Variants in HAUS7 observed in about 807,000 individuals in gnomAD.
HAUS7 encodes HAUS augmin-like complex subunit 7.
In HAUS7, 3 loss-of-function variants were observed where a neutral mutation model predicts 28.4. The observed-to-expected ratio is 0.11, with a 90% CI of 0.05 to 0.27. The LOEUF is 0.27. Among genes scored for constraint, HAUS7 ranks in the 10% least tolerant of loss-of-function variants. HAUS7 has a pLI of 1.00. For missense variants in HAUS7, 284 were observed against 297.3 expected (o/e 0.96, Z 0.33); for synonymous variants, 165 against 132.1 (o/e 1.25, Z -1.71).
At chrX:153,465,234 A>G (rs1388392950) in intron 2 of HAUS7, among the ~76,000 whole-genome samples, 179 bp from the exon 3 acceptor site, 1 of 110,261 alleles carries the variant, frequency 9.1e-6, no homozygotes. Context: ...TTAGGGAAAG[A>G]ATATTCCAGG....
At position 153,487,539 on chromosome X, in the gene HAUS7, A is replaced by G. The variant is rs782158209; in HGVS notation, c.-589+7835T>C. ...CCCCCAACATGCACACCCACCTGCA[A>G]GAGAGGTCCCCAGGGCCCCACCCTC... On this transcript the variant is annotated intron_variant, in intron 1 of 5. Transcript: ENST00000370210. Among the ~76,000 whole-genome samples, 5 of 112,323 alleles carry G rather than the reference A, an allele frequency of 4.5e-5. No homozygotes were observed. In the East Asian group the frequency reaches 1.4e-3, roughly 31 times the overall value.
At chrX:153,481,538 C>T in intron 1 of HAUS7, 1 of 756,526 alleles carries the variant, frequency 1.3e-6, no homozygotes. Flanking sequence ...GCCATGCCCT[C>T]TCTGCCGGCC....
Position 153,455,524 on chromosome X carries a change from G to A in HAUS7, c.930+18C>T, listed in dbSNP as rs1556981923. On this transcript the variant is annotated intron_variant, in intron 8 of 9. Coordinates refer to ENST00000370211, the MANE Select transcript of HAUS7 (RefSeq NM_001385482.1). ...CAGGGGAGGGGGCGGTTAGAGGGGA[G>A]GGGAAGGGCACCCTTACTTGGCTGT... 2.8e-6 allele frequency: 3 copies of A among 1,079,700 alleles called. No individual in the cohort carries two copies. Among genetic ancestry groups the A allele is most frequent in the Non-Finnish European group, 3.9e-6 (3 of 776,516 alleles). 89.0% of individuals were successfully genotyped at this position (1,079,700 alleles called of 1,213,427 possible). A position where few individuals can be genotyped will look rare whatever the true frequency, so the allele number is the denominator to read the frequency against.
chrX:153,481,408 C>G, intron 1 of HAUS7: 1 of 754,783 alleles, frequency 1.3e-6, no homozygotes, highest in Non-Finnish European at 1.6e-6. Context: ...ACAGAAGGAC[C>G]GCAGCCGAGG....
At chrX:153,474,248 T>C (rs782668536), upstream of HAUS7, among the ~76,000 whole-genome samples, 13 of 112,399 alleles carry the variant, frequency 1.2e-4, no homozygotes, top group African/African-American at 3.9e-4. Flanking sequence ...CCTCTTCCTG[T>C]CACTTCTAGT....
chrX:153,485,965 C>A (rs782644315), intron 1 of HAUS7: 1 of 977,128 alleles, frequency 1.0e-6, no homozygotes. Context: ...GCATCCACAG[C>A]GTGTCCTTCC....
intron 1 of HAUS7, chrX:153,481,838 C>T: frequency 4.0e-6 from 3 of 756,070 alleles, no homozygotes; most frequent in Non-Finnish European, 4.7e-6. Flanking sequence ...TCCCAGCCCA[C>T]ACGTTCCTGG....
intron 4 of HAUS7, among the ~76,000 whole-genome samples, chrX:153,460,204 C>T (rs935387448): frequency 1.8e-5 from 2 of 112,302 alleles, no homozygotes; most frequent in Non-Finnish European, 1.9e-5. Flanking sequence ...CAGCATTCCA[C>T]TCCAATGACA....
chrX:153,455,496 G>T, intron 8 of HAUS7, 46 bp downstream of exon 8: 2 of 864,504 alleles, frequency 2.3e-6, no homozygotes, highest in Non-Finnish European at 3.4e-6. Flanking sequence ...CAGTCTGAGT[G>T]AACAGGGGAG....
At chrX:153,464,898 C>G (rs1366683464) in intron 3 of HAUS7, 90 bp downstream of exon 3, 37 of 637,647 alleles carry the variant, frequency 5.8e-5, no homozygotes, top group Non-Finnish European at 9.5e-5. Flanking sequence ...CATGCACCAC[C>G]TAAAAGAAAA....
chrX:153,485,894 G>A (rs782092949), intron 1 of HAUS7: 24 of 934,072 alleles, frequency 2.6e-5, no homozygotes, highest in East Asian at 8.3e-5. Context: ...CTACGCGTTC[G>A]CGCACATGAA....
At chrX:153,455,418 T>TCCCAGCCCCA in intron 8 of HAUS7, 124 bp downstream of exon 8, 2 of 491,355 alleles carry the variant, frequency 4.1e-6, no homozygotes, top group Non-Finnish European at 3.5e-6. Flanking sequence ...TCCCAGCCCC[T>TCCCAGCCCCA]GGTCCTGCCC....
At chrX:153,457,927 G>C (rs1171406495) in intron 4 of HAUS7, among the ~76,000 whole-genome samples, 1 of 113,388 alleles carries the variant, frequency 8.8e-6, no homozygotes, top group Non-Finnish European at 1.9e-5. Context: ...CCTACTTCTT[G>C]AGCTCTGAAC....
chrX:153,478,506 G>T (rs1247952929), intron 1 of HAUS7, among the ~76,000 whole-genome samples: 1 of 112,939 alleles, frequency 8.9e-6, no homozygotes, highest in Non-Finnish European at 1.9e-5. Flanking sequence ...CAAGAAGTCT[G>T]GGGGGGACCT....
At chrX:153,473,579 G>C (rs143740397), upstream of HAUS7, among the ~76,000 whole-genome samples, 1 of 112,942 alleles carries the variant, frequency 8.9e-6, no homozygotes, top group South Asian at 3.6e-4. Context: ...AAGTGTGTGC[G>C]TGTGTGTGCG....
chrX:153,482,468 G>A lies in HAUS7; in HGVS notation c.-588-11323C>T, dbSNP rs782173268. Reference sequence around the variant, plus strand: ...AGGCAGCAGCTTCCGTGGTGCGGGCGAGTTCCGGGGGCAGGGACCGAGGGG... The same window carrying A: ...AGGCAGCAGCTTCCGTGGTGCGGGCAAGTTCCGGGGGCAGGGACCGAGGGG... On this transcript the variant is annotated intron_variant, in intron 1 of 5. Coordinates refer to the HAUS7 transcript ENST00000370210. 1.5e-5 allele frequency: 11 copies of A among 755,318 alleles called. No homozygotes were observed. In the South Asian group the frequency reaches 5.4e-4, roughly 37 times the overall value. The allele number at this position is 755,318 out of a possible 1,213,427, so 62.2% of individuals were successfully genotyped here. A position where few individuals can be genotyped will look rare whatever the true frequency, so the allele number is the denominator to read the frequency against.
At chrX:153,456,826 C>T in intron 5 of HAUS7, 175 bp from the exon 6 acceptor site, 1 of 455,697 alleles carries the variant, frequency 2.2e-6, no homozygotes, top group Non-Finnish European at 3.7e-6. Context: ...CCATTTTTGC[C>T]CGCCTACCTA....
chrX:153,486,591 G>A (rs1556988593), intron 1 of HAUS7: 1 of 962,981 alleles, frequency 1.0e-6, no homozygotes, highest in African/African-American at 2.0e-5. Context: ...TCTTTCCGGG[G>A]TCTTCTCTCC....
intron 1 of HAUS7, among the ~76,000 whole-genome samples, chrX:153,476,463 A>C (rs183702427): frequency 1.8e-5 from 2 of 111,900 alleles, no homozygotes; most frequent in East Asian, 2.8e-4. Flanking sequence ...ATGTGTGTGC[A>C]TGAGTGTGTG....
Sources: gnomAD v4.1 joint callset for allele counts (sites outside exome capture counted in the v4.1 genomes callset) on GRCh38, gnomAD v4.1.1 for gene constraint, MANE v1.5 for transcripts, NCBI Gene and HGNC (gene_info 2026-07-23, HGNC 2026-07-21) for gene names.